The following PBRM1 variants were observed in gnomAD, a reference collection of about 807,000 sequenced individuals.
PBRM1 encodes protein polybromo-1.
A neutral mutation model predicts 194.5 loss-of-function variants in PBRM1; 27 were observed. The observed-to-expected ratio is 0.14, with a 90% CI of 0.10 to 0.19. PBRM1 has a LOEUF of 0.19. Ranked by LOEUF, PBRM1 falls within the 10% of genes least tolerant of loss-of-function variation. PBRM1 has a pLI of 1.00. For synonymous variants in PBRM1, 655 were observed against 693.2 expected (o/e 0.94, Z 0.87); for missense variants, 1,466 against 2,077.2 (o/e 0.71, Z 5.72).
exon 3 of PBRM1, chr3:52,668,550 A>G (rs1451023142): frequency 6.2e-6 from 10 of 1,608,028 alleles, no homozygotes; most frequent in Non-Finnish European, 8.5e-6. Flanking sequence ...AGCAGTCAGC[A>G]AATTAACATC....
intron 5 of PBRM1, among the ~76,000 whole-genome samples, chr3:52,656,518 A>T (rs1229052471): frequency 6.6e-6 from 1 of 152,076 alleles, no homozygotes; most frequent in Non-Finnish European, 1.5e-5. Flanking sequence ...TACAAAAATT[A>T]GCCAGGTGTG....
chr3:52,621,443 G>A (rs995115889), intron 13 of PBRM1, among the ~76,000 whole-genome samples: 2 of 152,310 alleles, frequency 1.3e-5, no homozygotes, highest in South Asian at 2.1e-4. Flanking sequence ...GATTACAGGC[G>A]TGAGCCACTG....
chr3:52,566,318 G>A (rs1378080919), intron 22 of PBRM1, among the ~76,000 whole-genome samples: 2 of 152,092 alleles, frequency 1.3e-5, no homozygotes, highest in African/African-American at 4.8e-5. Flanking sequence ...GTTACCATAT[G>A]ACCTCGCAAT....
chr3:52,629,700 T>C (rs920778344), intron 11 of PBRM1, among the ~76,000 whole-genome samples: 25 of 152,198 alleles, frequency 1.6e-4, no homozygotes, highest in African/African-American at 5.8e-4. Flanking sequence ...TCAACTATCA[T>C]AAAGCCCTTA....
chr3:52,631,993 T>C (rs2095633723), intron 11 of PBRM1, among the ~76,000 whole-genome samples: 1 of 152,206 alleles, frequency 6.6e-6, no homozygotes, highest in Non-Finnish European at 1.5e-5. Context: ...TTTATTCTTT[T>C]GAATGTTTTG....
intron 20 of PBRM1, 118 bp downstream of exon 22, chr3:52,586,307 T>C: frequency 1.2e-6 from 1 of 820,768 alleles, no homozygotes. Context: ...CTTCTTCCTG[T>C]TTGGCTAAGG....
chr3:52,582,566 C>A (rs2091513174), intron 20 of PBRM1, among the ~76,000 whole-genome samples: 1 of 151,850 alleles, frequency 6.6e-6, no homozygotes, highest in Admixed American at 6.6e-5. Flanking sequence ...CCTGCCACCA[C>A]GCCAACCTCC....
exon 1 of PBRM1, chr3:52,685,774 C>G (rs1221394383): frequency 3.9e-6 from 1 of 254,280 alleles, no homozygotes; most frequent in Non-Finnish European, 7.4e-6. Flanking sequence ...CCTGCAGCCC[C>G]GGCCGCGGTC....
chr3:52,673,194 G>T (rs1219599586), intron 2 of PBRM1, among the ~76,000 whole-genome samples: 1 of 150,194 alleles, frequency 6.7e-6, no homozygotes, highest in African/African-American at 2.4e-5. Context: ...CACTATGTTG[G>T]CCAGGCTGGT....
At chr3:52,624,554 G>A (rs1007099810) in intron 13 of PBRM1, among the ~76,000 whole-genome samples, 4 of 152,090 alleles carry the variant, frequency 2.6e-5, no homozygotes, top group Non-Finnish European at 4.4e-5. Context: ...TCTGTAAAAG[G>A]CATCCCTGAA....
intron 10 of PBRM1, among the ~76,000 whole-genome samples, chr3:52,640,263 C>T (rs889929659): frequency 6.6e-6 from 1 of 151,750 alleles, no homozygotes; most frequent in African/African-American, 2.4e-5. Flanking sequence ...GACAAAAGCC[C>T]AATTTTATTA....
intron 26 of PBRM1, among the ~76,000 whole-genome samples, chr3:52,557,510 A>G (rs2082463429): frequency 6.6e-6 from 1 of 152,222 alleles, no homozygotes; most frequent in South Asian, 2.1e-4. Flanking sequence ...CAGACTTCTC[A>G]TTGGAGACAT....
chr3:52,640,959 G>A (rs2096057474), intron 10 of PBRM1, among the ~76,000 whole-genome samples: 1 of 151,938 alleles, frequency 6.6e-6, no homozygotes, highest in African/African-American at 2.4e-5. Context: ...TTTATAATCA[G>A]TAAAAAACAA....
At chr3:52,674,627 C>CAAAA (rs869059650) in intron 2 of PBRM1, among the ~76,000 whole-genome samples, 42 of 109,072 alleles carry the variant, frequency 3.9e-4, no homozygotes, top group South Asian at 2.1e-3. Flanking sequence ...CTGTCTCTAC[C>CAAAA]AAAAAAAAAA....
At chr3:52,678,915 T>C (rs1284173695) in intron 1 of PBRM1, among the ~76,000 whole-genome samples, 1 of 152,212 alleles carries the variant, frequency 6.6e-6, no homozygotes, top group Non-Finnish European at 1.5e-5. Context: ...TAAATCAGTT[T>C]ATCACTCTCT....
chr3:52,556,768 G>C (rs1213976831), intron 26 of PBRM1, among the ~76,000 whole-genome samples: 1 of 152,088 alleles, frequency 6.6e-6, no homozygotes, highest in Non-Finnish European at 1.5e-5. Flanking sequence ...ACCAAAGAGT[G>C]GTTACTGCAG....
intron 3 of PBRM1, among the ~76,000 whole-genome samples, chr3:52,664,607 C>A (rs189653539): frequency 3.0e-4 from 45 of 151,326 alleles, no homozygotes; most frequent in Admixed American, 1.4e-3. Flanking sequence ...TGGTGGCAGG[C>A]GCCTGTAATC....
chr3:52,666,309 G>A (rs183778475), intron 3 of PBRM1, among the ~76,000 whole-genome samples: 1 of 152,168 alleles, frequency 6.6e-6, no homozygotes, highest in Admixed American at 6.5e-5. Flanking sequence ...TTGGGAGGCC[G>A]AGGCAGGCAG....
intron 5 of PBRM1, among the ~76,000 whole-genome samples, chr3:52,654,499 A>G (rs902247486): frequency 3.3e-5 from 5 of 152,166 alleles, no homozygotes; most frequent in Non-Finnish European, 7.3e-5. Flanking sequence ...GGACGGACTT[A>G]CTAAGGAAAG....
Sources: gnomAD v4.1 joint callset for allele counts (sites outside exome capture counted in the v4.1 genomes callset) on GRCh38, gnomAD v4.1.1 for gene constraint, MANE v1.5 for transcripts, NCBI Gene and HGNC (gene_info 2026-07-23, HGNC 2026-07-21) for gene names.